NAV2: variants seen among roughly 807,000 people sequenced by gnomAD.
NAV2 encodes the protein neuron navigator 2, also known as helicase, APC down-regulated 1.
Under a neutral mutation model 223.2 loss-of-function variants are expected in NAV2, and 54 were observed. The ratio of observed to expected loss-of-function variants is 0.24; its 90% CI spans 0.19 to 0.30. The LOEUF (loss-of-function observed/expected upper bound fraction) is 0.30. Ranked by LOEUF, NAV2 falls within the 10% of genes least tolerant of loss-of-function variation. NAV2 has a pLI of 1.00. For synonymous variants in NAV2, 1,279 were observed against 1,239.3 expected (o/e 1.03, Z -0.67); for missense variants, 2,806 against 3,147.5 (o/e 0.89, Z 2.60).
chr11:19,792,671 T>G (rs1436560422), intron 1 of NAV2, among the ~76,000 whole-genome samples: 1 of 152,156 alleles, frequency 6.6e-6, no homozygotes, highest in African/African-American at 2.4e-5. Context: ...TTGGGACATC[T>G]CTTCTGCTTT....
Position 19,713,915 on chromosome 11 carries a change from C to A in NAV2, c.220C>A (p.Leu74Ile), listed in dbSNP as rs1284046906. 1.2e-6 allele frequency: 2 copies of A among 1,613,466 alleles called. No individual in the cohort carries two copies. Among genetic ancestry groups the A allele is most frequent in the African/African-American group, 1.3e-5 (1 of 74,950 alleles). The change falls in exon 1 of 38, where the codon CTC becomes ATC. Residue 74 changes from leucine (L) to isoleucine (I), a missense_variant. By Grantham distance (5) the Leu-to-Ile change is conservative (BLOSUM62 2). Around this residue, in one of 4 missense-constraint regions of NAV2, gnomAD observed 1,167 missense variants for 1,180.5 expected, o/e 0.99. Coordinates refer to ENST00000349880, the MANE Select transcript of NAV2 (RefSeq NM_145117.5). The surrounding 1 kb of genome is among the most constrained non-coding windows in gnomAD (Gnocchi z 7.2). ...GCTGCAGGAGCCAGCGGGGGAGGGG[C>A]TCCCGCTGCGGAAGAGCGGCTCGGT... The part of the protein sequence containing the change: ...QGLQEPAGEG[L>I]PLRKSGSVEN...
At chr11:19,700,124 A>G (rs2049468786) in intron 1 of NAV2, among the ~76,000 whole-genome samples, 1 of 152,236 alleles carries the variant, frequency 6.6e-6, no homozygotes, top group South Asian at 2.1e-4. Context: ...AATGTGTTCC[A>G]GGAAATATGG....
Position 20,055,868 on chromosome 11 carries a change from A to T in NAV2, c.4742A>T (p.Asp1581Val), listed in dbSNP as rs1465993652. 6.2e-7 allele frequency: 1 copy of T among 1,614,216 alleles called. No homozygotes were observed. The highest frequency in any genetic ancestry group is 1.7e-5 in the Admixed American group (1 of 60,028). The change falls in exon 19 of 38, where the codon GAC becomes GTC. Residue 1581 changes from aspartate to valine, a missense_variant. This residue lies in a region of NAV2 where 742 missense variants were observed against 777.9 expected (regional missense o/e 0.95). Transcript: ENST00000349880. ...GATGGGCAGTATGATCCATACACTG[A>T]CAGCCGCTTCCGGAATAGCTCCATG... ...NADGQYDPYT[D>V]SRFRNSSMSL...
chr11:20,030,371 A>T, intron 11 of NAV2, among the ~76,000 whole-genome samples: 2 of 152,252 alleles, frequency 1.3e-5, no homozygotes, highest in East Asian at 3.8e-4. Context: ...TTTGTGCCCA[A>T]AAATAACTTC....
At chr11:19,689,468 A>C (rs1178406965) in intron 1 of NAV2, among the ~76,000 whole-genome samples, 2 of 152,232 alleles carry the variant, frequency 1.3e-5, no homozygotes, top group African/African-American at 2.4e-5. Flanking sequence ...AGCTGGCCAC[A>C]AGGCTGGCAA....
chr11:19,603,598 C>T (rs527947622), intron 1 of NAV2, among the ~76,000 whole-genome samples: 1 of 143,280 alleles, frequency 7.0e-6, no homozygotes, highest in Admixed American at 7.0e-5. Flanking sequence ...CTGCACTGCA[C>T]TCCAGCCTGG....
chr11:20,103,705 C>A lies in NAV2; in HGVS notation c.6625C>A (p.Gln2209Lys), dbSNP rs773788762. 1.2e-6 allele frequency: 2 copies of A among 1,614,070 alleles called. No homozygotes were observed. Among genetic ancestry groups the A allele is most frequent in the African/African-American group, 1.3e-5 (1 of 75,050 alleles). The change falls in exon 34 of 38, where the codon CAG becomes AAG. Residue 2209 changes from glutamine (Q) to lysine (K), a missense_variant. Coordinates refer to ENST00000349880, the MANE Select transcript of NAV2 (RefSeq NM_145117.5). ...NQATSSTPNL[Q>K]LHHNFRWVLC... ...GGCTACCTCTTCGACTCCCAACCTG[C>A]AGCTTCACCATAACTTCAGGTCAGT...
At chr11:19,679,504 C>G (rs2048820663) in intron 1 of NAV2, among the ~76,000 whole-genome samples, 1 of 151,836 alleles carries the variant, frequency 6.6e-6, no homozygotes, top group African/African-American at 2.4e-5. Context: ...CCCTTTGGTA[C>G]AATAAACTCA....
At position 20,039,219 on chromosome 11, in the gene NAV2, A is replaced by G. The variant is rs574049929; in HGVS notation, c.2907+3122A>G. Among the ~76,000 whole-genome samples, 14 of 152,322 alleles carry G rather than the reference A, an allele frequency of 9.2e-5. No individual in the cohort carries two copies. The East Asian group carries it at 1.3e-3, about 15-fold the overall frequency. On this transcript the variant is annotated intron_variant, in intron 12 of 37. Transcript: ENST00000349880. Reference sequence around the variant, plus strand: ...GATCTTGAGTTGTGCTCCTCACTCTATGACATCCTTGGATGAACTAAGCAC... The same window carrying G: ...GATCTTGAGTTGTGCTCCTCACTCTGTGACATCCTTGGATGAACTAAGCAC...
chr11:19,502,027 G>A (rs910627115), intron 1 of NAV2, among the ~76,000 whole-genome samples: 2 of 152,176 alleles, frequency 1.3e-5, no homozygotes, highest in African/African-American at 4.8e-5. Flanking sequence ...AGACCTTTTA[G>A]AAATTACTCA....
rs1420234896 is a variant in NAV2, at chr11:19,597,609, TTTAA to T, written c.76-234871_76-234868del. Among the ~76,000 whole-genome samples, 5 of 152,244 alleles carry T rather than the reference TTTAA, an allele frequency of 3.3e-5. No individual in the cohort carries two copies. The East Asian group carries it at 7.7e-4, about 23-fold the overall frequency. ...GTGCAGAAATTCTCATTAGCTGCAG[TTTAA>T]TTACTGCCTGCCGTATAGGTTTTTA... On this transcript the variant is annotated intron_variant, in intron 1 of 37. Coordinates refer to the NAV2 transcript ENST00000360655.
chr11:19,630,267 G>T (rs2047306568), intron 1 of NAV2, among the ~76,000 whole-genome samples: 1 of 152,110 alleles, frequency 6.6e-6, no homozygotes, highest in Non-Finnish European at 1.5e-5. Flanking sequence ...AGCCTACCTG[G>T]CTTAGCCCCA....
intron 1 of NAV2, among the ~76,000 whole-genome samples, chr11:19,823,410 G>C (rs1419183737): frequency 6.6e-6 from 1 of 152,184 alleles, no homozygotes; most frequent in Non-Finnish European, 1.5e-5. Flanking sequence ...GTTTCACCAT[G>C]TTGGCCAGGC....
chr11:19,379,637 C>T (rs1848766578), intron 1 of NAV2, among the ~76,000 whole-genome samples: 1 of 152,228 alleles, frequency 6.6e-6, no homozygotes, highest in Non-Finnish European at 1.5e-5. Flanking sequence ...TGACTCTTCC[C>T]TCCTCCGGCA....
At chr11:19,907,746 C>G (rs2042991335) in intron 6 of NAV2, among the ~76,000 whole-genome samples, 1 of 152,180 alleles carries the variant, frequency 6.6e-6, no homozygotes, top group South Asian at 2.1e-4. Context: ...TGTTTTGGAA[C>G]AAAGTACTCT....
At chr11:19,631,570 G>A (rs754076917) in intron 1 of NAV2, among the ~76,000 whole-genome samples, 27 of 152,104 alleles carry the variant, frequency 1.8e-4, no homozygotes, top group Non-Finnish European at 1.0e-4. Flanking sequence ...CAAGACTAGT[G>A]TGCTCTCATT....
chr11:19,863,231 C>T (rs1590947557), intron 3 of NAV2, among the ~76,000 whole-genome samples: 1 of 152,212 alleles, frequency 6.6e-6, no homozygotes, highest in African/African-American at 2.4e-5. Context: ...GCTTTCGCTC[C>T]TTCTCCATGT....
At chr11:19,479,628 C>T (rs1235672763) in intron 1 of NAV2, among the ~76,000 whole-genome samples, 2 of 152,144 alleles carry the variant, frequency 1.3e-5, no homozygotes, top group African/African-American at 4.8e-5. Flanking sequence ...GTTAGTTGGC[C>T]TGTTTGTAGG....
At chr11:19,614,295 C>A in intron 1 of NAV2, among the ~76,000 whole-genome samples, 1 of 152,174 alleles carries the variant, frequency 6.6e-6, no homozygotes, top group East Asian at 1.9e-4. Flanking sequence ...TTCCGCGAGA[C>A]ACCTCCTGGA....
Sources: gnomAD v4.1 joint callset for allele counts (sites outside exome capture counted in the v4.1 genomes callset) on GRCh38, gnomAD v4.1.1 for gene constraint, gnomAD v4.1.1 regional missense constraint, Gnocchi (gnomAD v3.1) non-coding constraint, MANE v1.5 for transcripts, NCBI Gene and HGNC (gene_info 2026-07-23, HGNC 2026-07-21) for gene names.